Variants in TMEM255A observed in about 807,000 individuals in gnomAD.
TMEM255A encodes the protein transmembrane protein 255A.
Under a neutral mutation model 23.5 loss-of-function variants are expected in TMEM255A, and 14 were observed. The observed-to-expected ratio is 0.60, with a 90% CI of 0.39 to 0.93. The LOEUF (loss-of-function observed/expected upper bound fraction) is 0.93, where lower values mean the gene tolerates loss of function less well. Among genes scored for constraint, TMEM255A ranks in the 40% least tolerant of loss-of-function variants. TMEM255A has a pLI of 0.00. For missense variants in TMEM255A, 233 were observed against 261.7 expected (o/e 0.89, Z 0.76); for synonymous variants, 104 against 100.3 (o/e 1.04, Z -0.22).
intron 1 of TMEM255A, among the ~76,000 whole-genome samples, chrX:120,310,399 G>A (rs953027070): frequency 1.8e-5 from 2 of 110,832 alleles, no homozygotes; most frequent in African/African-American, 6.6e-5. Flanking sequence ...GTGCCCGAAG[G>A]TAGCTGTCCC....
chrX:120,296,380 C>CTCCTAT, intron 2 of TMEM255A, among the ~76,000 whole-genome samples: 1 of 74,074 alleles, frequency 1.3e-5, no homozygotes, highest in African/African-American at 5.4e-5. Context: ...TCCCCTTCTC[C>CTCCTAT]TCTATTCTAT....
intron 7 of TMEM255A, among the ~76,000 whole-genome samples, chrX:120,271,083 C>T (rs1269812483): frequency 1.8e-5 from 2 of 111,242 alleles, no homozygotes; most frequent in Non-Finnish European, 3.8e-5. Flanking sequence ...ATAGAGTTCC[C>T]GGGATTCACA....
At chrX:120,271,059 T>G (rs1556018668) in intron 7 of TMEM255A, among the ~76,000 whole-genome samples, 1 of 111,638 alleles carries the variant, frequency 9.0e-6, no homozygotes, top group Non-Finnish European at 1.9e-5. Context: ...ATTTTTTTTC[T>G]GCCCTGGTCC....
In TMEM255A at chrX:120,304,269, G is replaced by GA. The variant is rs1398646849; in HGVS notation, c.201+79dup. 15 of 1,024,305 alleles carry GA rather than the reference G, an allele frequency of 1.5e-5. No homozygotes were observed. The African/African-American group carries it at 2.9e-4, about 20-fold the overall frequency. 84.4% of individuals were successfully genotyped at this position (1,024,305 alleles called of 1,213,427 possible). On this transcript the variant is annotated intron_variant, in intron 2 of 8. Transcript: ENST00000371369. ...TGAGCAAACACTAGACACTCAAACA[G>GA]AATTGAAAACTATCAGAGCAGAGCC...
chrX:120,296,349 CA>C (rs1480486522), intron 2 of TMEM255A, among the ~76,000 whole-genome samples: 3 of 107,390 alleles, frequency 2.8e-5, no homozygotes, highest in African/African-American at 1.0e-4. Context: ...CCAGGCCAGC[CA>C]GTTACTTCAT....
intron 5 of TMEM255A, chrX:120,285,920 TCC>T (rs1556021763): frequency 8.5e-7 from 1 of 1,172,886 alleles, no homozygotes; most frequent in African/African-American, 1.8e-5. Context: ...TCCAGCTCTC[TCC>T]CCCATCCAGA....
intron 1 of TMEM255A, among the ~76,000 whole-genome samples, chrX:120,310,984 G>A (rs782616295): frequency 1.8e-5 from 2 of 109,890 alleles, no homozygotes; most frequent in East Asian, 5.8e-4. Context: ...GTAGACACAC[G>A]CACACAAACA....
intron 6 of TMEM255A, among the ~76,000 whole-genome samples, chrX:120,284,536 G>GCGCA (rs782457376): frequency 0.025 from 2,617 of 104,749 alleles, 78 homozygotes; most frequent in African/African-American, 0.085. Context: ...GCACGTGCAC[G>GCGCA]CACACACACA....
downstream of TMEM255A, chrX:120,256,243 T>C (rs1390733394): frequency 8.1e-6 from 1 of 123,250 alleles, no homozygotes; most frequent in African/African-American, 3.2e-5. Context: ...GAATGAAGAT[T>C]TCCTTTTGGC....
chrX:120,268,765 C>A (rs2057734298), intron 7 of TMEM255A, among the ~76,000 whole-genome samples: 1 of 111,727 alleles, frequency 9.0e-6, no homozygotes. Context: ...AAAATGTTTA[C>A]AACTAATTTG....
In TMEM255A at chrX:120,291,639, C is replaced by T. The variant is rs782596221; in HGVS notation, c.265-299G>A. 8.6e-5 allele frequency among the ~76,000 whole-genome samples: 9 copies of T among 104,096 alleles called. 1 individual carries two copies. The highest frequency in any genetic ancestry group is 2.9e-4 in the East Asian group (1 of 3,390). 90.4% of individuals were successfully genotyped at this position (104,096 alleles called of 115,157 possible). A position where few individuals can be genotyped will look rare whatever the true frequency, so the allele number is the denominator to read the frequency against. ...CTGTCCATGAAGGAATTTGACTGCA[C>T]GGCCCTTCCATCCTTGGACTCAGAA... is the stretch of plus-strand genomic sequence containing the variant. On this transcript the variant is annotated intron_variant, in intron 3 of 8. Coordinates refer to ENST00000371369, the MANE Select transcript of TMEM255A (RefSeq NM_001104544.3).
At chrX:120,266,153 CAAAAAA>C (rs782105722) in intron 8 of TMEM255A, among the ~76,000 whole-genome samples, 1 of 75,342 alleles carries the variant, frequency 1.3e-5, no homozygotes. Context: ...GACTCTGTCT[CAAAAAA>C]AAAAAAAAAG....
downstream of TMEM255A, chrX:120,257,381 T>TA (rs1156770603): frequency 2.5e-4 from 31 of 123,283 alleles, no homozygotes; most frequent in Non-Finnish European, 1.5e-4. Flanking sequence ...ATGTGAATGA[T>TA]ACGGATGCCG....
At chrX:120,264,009 G>A (rs2057698991) in intron 8 of TMEM255A, among the ~76,000 whole-genome samples, 1 of 111,523 alleles carries the variant, frequency 9.0e-6, no homozygotes, top group Non-Finnish European at 1.9e-5. Context: ...GAAAAATAGA[G>A]GCACTTTTGA....
At chrX:120,283,355 C>T (rs2057849831) in intron 6 of TMEM255A, among the ~76,000 whole-genome samples, 1 of 111,248 alleles carries the variant, frequency 9.0e-6, no homozygotes, top group Admixed American at 9.5e-5. Flanking sequence ...CTGGCACAAG[C>T]AAAGAAGGTA....
Position 120,287,223 on chromosome X carries a change from C to G in TMEM255A, c.355-1G>C. ...GGTTAGCGTAGAGTGGTTTCAGATC[C>G]TGAAAAGGGAAACACCAAAACAAAG... On this transcript the variant is annotated splice_acceptor_variant, in intron 4 of 8. Coordinates refer to ENST00000371369, the MANE Select transcript of TMEM255A (RefSeq NM_001104544.3). LOFTEE classifies it high-confidence loss of function. The G allele has an allele frequency of 8.3e-7, 1 of 1,204,587 alleles. No individual in the cohort carries two copies. Among genetic ancestry groups the G allele is most frequent in the South Asian group, 1.8e-5 (1 of 56,704 alleles).
At chrX:120,298,721 C>T (rs1417210721) in intron 2 of TMEM255A, among the ~76,000 whole-genome samples, 12 of 111,078 alleles carry the variant, frequency 1.1e-4, no homozygotes, top group Non-Finnish European at 2.3e-4. Flanking sequence ...AGAATATAGC[C>T]CAACAGATGC....
chrX:120,277,193 G>A (rs2057805331), intron 6 of TMEM255A, 146 bp from the exon 7 acceptor site: 1 of 432,548 alleles, frequency 2.3e-6, no homozygotes, highest in Non-Finnish European at 3.9e-6. Flanking sequence ...AGACATCATA[G>A]CCATGTACTA....
At position 120,303,114 on chromosome X, in the gene TMEM255A, C is replaced by T. The variant is rs190949052; in HGVS notation, c.201+1235G>A. Among the ~76,000 whole-genome samples, 393 of 111,472 alleles carry T rather than the reference C, an allele frequency of 3.5e-3. 4 individuals carry two copies. Among genetic ancestry groups the T allele is most frequent in the Non-Finnish European group, 6.5e-3 (346 of 53,065 alleles). On this transcript the variant is annotated intron_variant, in intron 2 of 8. Coordinates refer to ENST00000371369, the MANE Select transcript of TMEM255A (RefSeq NM_001104544.3). ...GGTTTTTGGGTTCAACAGCAGTGTACGTAGACTCAAATTAGGTTTTGGTTT... is the reference window on the plus strand; with the variant it reads ...GGTTTTTGGGTTCAACAGCAGTGTATGTAGACTCAAATTAGGTTTTGGTTT...
Sources: allele counts gnomAD v4.1 joint callset (sites outside exome capture counted in the v4.1 genomes callset), GRCh38; gene constraint gnomAD v4.1.1; transcripts MANE v1.5; gene names NCBI Gene and HGNC (gene_info 2026-07-23, HGNC 2026-07-21).